BABAM2: variants seen among roughly 807,000 people sequenced by gnomAD.
BABAM2 encodes BRISC and BRCA1-A complex member 2.
In BABAM2, 31 loss-of-function variants were observed where a neutral mutation model predicts 54.7. The ratio of observed to expected loss-of-function variants is 0.57; its 90% CI spans 0.43 to 0.77. The LOEUF (loss-of-function observed/expected upper bound fraction) is 0.77. BABAM2 is among the 30% of genes least tolerant of loss of function. BABAM2 has a pLI of 0.00. For missense variants in BABAM2, 364 were observed against 455.8 expected (o/e 0.80, Z 1.83); for synonymous variants, 167 against 162.9 (o/e 1.03, Z -0.19).
chr2:27,971,036 T>C (rs1300769192), intron 3 of BABAM2, among the ~76,000 whole-genome samples: 1 of 152,176 alleles, frequency 6.6e-6, no homozygotes, highest in African/African-American at 2.4e-5. Flanking sequence ...TTTCTTCCAT[T>C]GTTGCTGCTG....
At chr2:28,078,511 T>C (rs1426305516) in intron 6 of BABAM2, among the ~76,000 whole-genome samples, 2 of 152,168 alleles carry the variant, frequency 1.3e-5, no homozygotes, top group Non-Finnish European at 2.9e-5. Context: ...CATGAAATTA[T>C]GAAGAAGGAA....
intron 11 of BABAM2, among the ~76,000 whole-genome samples, chr2:28,312,578 T>C (rs908839046): frequency 5.3e-5 from 8 of 152,200 alleles, no homozygotes; most frequent in African/African-American, 1.9e-4. Flanking sequence ...TACGTAGTTC[T>C]TCTAAAAATC....
chr2:28,026,946 ATT>A (rs1491378582), intron 5 of BABAM2, among the ~76,000 whole-genome samples: 6 of 4,564 alleles, frequency 1.3e-3, no homozygotes, highest in South Asian at 0.062. Flanking sequence ...ATAAATATAT[ATT>A]AATATATATA....
intron 7 of BABAM2, among the ~76,000 whole-genome samples, chr2:28,221,465 T>C (rs1680414006): frequency 6.6e-6 from 1 of 152,182 alleles, no homozygotes; most frequent in Non-Finnish European, 1.5e-5. Context: ...GTTGTTGTTG[T>C]TGCTTTAATT....
At chr2:27,958,806 T>C (rs566191562) in intron 3 of BABAM2, among the ~76,000 whole-genome samples, 1 of 152,210 alleles carries the variant, frequency 6.6e-6, no homozygotes, top group African/African-American at 2.4e-5. Context: ...TTGGGAGAAT[T>C]TGCACACAGT....
intron 5 of BABAM2, among the ~76,000 whole-genome samples, chr2:28,038,290 C>G (rs1234161662): frequency 6.6e-6 from 1 of 152,156 alleles, no homozygotes; most frequent in African/African-American, 2.4e-5. Flanking sequence ...AGTAATGAGC[C>G]CCCAACCCTA....
chr2:28,319,125 C>G (rs953568624), intron 11 of BABAM2, among the ~76,000 whole-genome samples: 1 of 152,194 alleles, frequency 6.6e-6, no homozygotes, highest in African/African-American at 2.4e-5. Flanking sequence ...CAAAGCCCAT[C>G]CAAACAAGGT....
intron 6 of BABAM2, among the ~76,000 whole-genome samples, chr2:28,048,932 C>T (rs1677803161): frequency 6.6e-6 from 1 of 152,062 alleles, no homozygotes; most frequent in African/African-American, 2.4e-5. Context: ...TATTTTTGTC[C>T]TGAGAATTAG....
At chr2:28,080,489 CA>C (rs1277322081) in intron 6 of BABAM2, among the ~76,000 whole-genome samples, 2 of 151,966 alleles carry the variant, frequency 1.3e-5, no homozygotes, top group South Asian at 2.1e-4. Context: ...CTACCTGCCT[CA>C]AAAATCTCTA....
chr2:28,219,298 C>G (rs1401015510), intron 7 of BABAM2, among the ~76,000 whole-genome samples: 1 of 152,234 alleles, frequency 6.6e-6, no homozygotes, highest in Admixed American at 6.5e-5. Context: ...TCATAGCCCC[C>G]TTCCTCCTTC....
chr2:27,960,607 A>G (rs1670399021), intron 3 of BABAM2, among the ~76,000 whole-genome samples: 1 of 152,200 alleles, frequency 6.6e-6, no homozygotes, highest in Non-Finnish European at 1.5e-5. Flanking sequence ...CAGTCATATA[A>G]CATTTCGTAT....
intron 5 of BABAM2, 34 bp downstream of exon 5, chr2:28,025,454 T>G (rs767619333): frequency 1.1e-5 from 17 of 1,517,846 alleles, no homozygotes; most frequent in Non-Finnish European, 1.4e-5. Context: ...AAAAGATGAC[T>G]TCATCCATAA....
At chr2:28,318,163 CGG>C (rs922365994) in intron 11 of BABAM2, among the ~76,000 whole-genome samples, 3 of 152,170 alleles carry the variant, frequency 2.0e-5, no homozygotes, top group African/African-American at 7.2e-5. Flanking sequence ...CCTTGCAAGT[CGG>C]GTCTTGGTCT....
chr2:28,077,728 G>T (rs1664813460), intron 6 of BABAM2, among the ~76,000 whole-genome samples: 1 of 151,910 alleles, frequency 6.6e-6, no homozygotes, highest in African/African-American at 2.4e-5. Flanking sequence ...CCACCCCAAA[G>T]AAAATTCTCA....
intron 2 of BABAM2, among the ~76,000 whole-genome samples, chr2:27,898,769 G>A (rs1573112970): frequency 6.6e-6 from 1 of 152,108 alleles, no homozygotes; most frequent in South Asian, 2.1e-4. Context: ...TAAATTAGTG[G>A]GTGCCAGAGG....
At position 28,121,700 on chromosome 2, in the gene BABAM2, A is replaced by G. The variant is rs563476665; in HGVS notation, c.571-7571A>G. Among the ~76,000 whole-genome samples the G allele has an allele frequency of 4.6e-5, 7 of 152,176 alleles. No homozygotes were observed. The East Asian group carries it at 1.4e-3, about 29-fold the overall frequency. On this transcript the variant is annotated intron_variant, in intron 6 of 11. Coordinates refer to ENST00000379624, the MANE Select transcript of BABAM2 (RefSeq NM_199191.3). ...TCTTTCTCTGCTTTAATTTTTCTCT[A>G]TAACATTTGTAACATACTATATATT...
At chr2:28,084,267 G>A (rs1006191140) in intron 6 of BABAM2, among the ~76,000 whole-genome samples, 1 of 152,186 alleles carries the variant, frequency 6.6e-6, no homozygotes, top group African/African-American at 2.4e-5. Context: ...TCTGAAGAGT[G>A]CGTTAAGAGA....
intron 8 of BABAM2, among the ~76,000 whole-genome samples, chr2:28,238,760 A>G (rs1270635677): frequency 6.6e-6 from 1 of 152,144 alleles, no homozygotes; most frequent in Admixed American, 6.5e-5. Context: ...GAAACATGCA[A>G]ATTTGGTCTT....
intron 3 of BABAM2, among the ~76,000 whole-genome samples, chr2:27,949,022 T>C (rs991035406): frequency 1.1e-4 from 16 of 152,136 alleles, no homozygotes; most frequent in African/African-American, 1.7e-4. Flanking sequence ...GACAGATTTG[T>C]AAAACCAAGA....
Sources: allele counts gnomAD v4.1 joint callset (sites outside exome capture counted in the v4.1 genomes callset), GRCh38; gene constraint gnomAD v4.1.1; transcripts MANE v1.5; gene names NCBI Gene and HGNC (gene_info 2026-07-23, HGNC 2026-07-21).